FBN2: variants seen among roughly 807,000 people sequenced by gnomAD.
The protein encoded by FBN2 is fibrillin-2.
A neutral mutation model predicts 355.6 loss-of-function variants in FBN2; 105 were observed. The observed-to-expected ratio is 0.30, with a 90% CI of 0.25 to 0.35. FBN2 has a LOEUF of 0.35. FBN2 is among the 10% of genes least tolerant of loss of function. The pLI, the probability that FBN2 is intolerant of heterozygous loss-of-function variation, is 1.00. For synonymous variants in FBN2, 1,350 were observed against 1,301.2 expected (o/e 1.04, Z -0.81); for missense variants, 3,280 against 3,758.7 (o/e 0.87, Z 3.33).
At chr5:128,489,266 T>C (rs1755437238) in intron 5 of FBN2, among the ~76,000 whole-genome samples, 1 of 152,216 alleles carries the variant, frequency 6.6e-6, no homozygotes, top group Non-Finnish European at 1.5e-5. Flanking sequence ...TCATGCTAGA[T>C]CGAAGTCAAT....
At chr5:128,514,158 T>A (rs1364748142) in intron 5 of FBN2, among the ~76,000 whole-genome samples, 1 of 152,166 alleles carries the variant, frequency 6.6e-6, no homozygotes, top group Non-Finnish European at 1.5e-5. Flanking sequence ...AGACATTTTA[T>A]TTCTGCAAAA....
At chr5:128,363,739 T>C (rs1255090597) in intron 18 of FBN2, among the ~76,000 whole-genome samples, 2 of 152,172 alleles carry the variant, frequency 1.3e-5, no homozygotes, top group Non-Finnish European at 1.5e-5. Flanking sequence ...GGTTTGCATG[T>C]TGTTAGAAAT....
rs142702600 is a variant in FBN2, at chr5:128,261,773, C to T, written c.8327G>A (p.Arg2776Lys). Residue 2776 changes from arginine to lysine, a missense_variant, in exon 64 of 65, where the codon AGG becomes AAG. By Grantham distance (26) the Arg-to-Lys change is conservative. Transcript: ENST00000262464. ...KINGYSKKDSRQKRSIHEPDP... is the reference protein window; with the variant it reads ...KINGYSKKDSKQKRSIHEPDP... ...AGGTTCATGAATACTTCTCTTCTGC[C>T]TGCTGTCTTTCTTAGAATAGCCGTT... is the stretch of plus-strand genomic sequence containing the variant. 15 of 1,614,222 alleles carry T rather than the reference C, an allele frequency of 9.3e-6. No homozygotes were observed. The African/African-American group carries it at 1.6e-4, about 17-fold the overall frequency.
At chr5:128,422,876 C>T (rs536377480) in intron 7 of FBN2, among the ~76,000 whole-genome samples, 1 of 152,172 alleles carries the variant, frequency 6.6e-6, no homozygotes, top group South Asian at 2.1e-4. Context: ...AAACACATAG[C>T]ACTGACAGAT....
chr5:128,310,387 TATATATATATATA>T (rs1334225399), intron 39 of FBN2, among the ~76,000 whole-genome samples: 47 of 12,550 alleles, frequency 3.7e-3, no homozygotes, highest in African/African-American at 0.014. Flanking sequence ...TATATATATA[TATATATATATATA>T]TATTTTTTTT....
chr5:128,434,422 A>ATATATATATATATATATG (rs1561455185), intron 7 of FBN2, among the ~76,000 whole-genome samples: 9 of 132,702 alleles, frequency 6.8e-5, no homozygotes, highest in African/African-American at 3.0e-4. Context: ...ATATATATAT[A>ATATATATATATATATATG]TATGGGCAGT....
intron 25 of FBN2, among the ~76,000 whole-genome samples, chr5:128,343,543 A>T (rs1415929724): frequency 3.3e-5 from 5 of 152,188 alleles, no homozygotes; most frequent in Non-Finnish European, 7.4e-5. Context: ...GAACAAAGAG[A>T]GTGCTGAGAA....
intron 56 of FBN2, 97 bp from the exon 57 acceptor site, chr5:128,278,938 G>A (rs376857941): frequency 9.2e-6 from 9 of 979,778 alleles, no homozygotes; most frequent in East Asian, 7.8e-5. Context: ...TTCCTCCTTA[G>A]GAATAATTAA....
intron 7 of FBN2, among the ~76,000 whole-genome samples, chr5:128,409,730 A>G (rs1259723988): frequency 1.3e-5 from 2 of 152,208 alleles, no homozygotes; most frequent in Non-Finnish European, 2.9e-5. Context: ...AGAAACAACA[A>G]TAAAAGCCAT....
chr5:128,446,877 G>A (rs1468486701), intron 6 of FBN2, among the ~76,000 whole-genome samples: 4 of 152,138 alleles, frequency 2.6e-5, no homozygotes, highest in Admixed American at 2.0e-4. Flanking sequence ...GACCCCGAAC[G>A]GAGGGACCGG....
At chr5:128,327,100 T>G (rs555232066) in intron 34 of FBN2, among the ~76,000 whole-genome samples, 1 of 152,352 alleles carries the variant, frequency 6.6e-6, no homozygotes, top group Non-Finnish European at 1.5e-5. Flanking sequence ...CTACTAATTC[T>G]ACTACTAAGC....
Position 128,351,051 on chromosome 5 carries a change from A to C in FBN2, c.2675-46T>G. 4 of 1,610,264 alleles carry C rather than the reference A, an allele frequency of 2.5e-6. No individual in the cohort carries two copies. The South Asian group carries it at 4.4e-5, about 18-fold the overall frequency. On this transcript the variant is annotated intron_variant, in intron 20 of 64. Coordinates refer to ENST00000262464, the MANE Select transcript of FBN2 (RefSeq NM_001999.4). Reference sequence around the variant, plus strand: ...TTGGGGAGCTCTTACCTCTGAAGAAAATAGAATTCAGCTGTGTACACAAAA... The same window carrying C: ...TTGGGGAGCTCTTACCTCTGAAGAACATAGAATTCAGCTGTGTACACAAAA...
chr5:128,464,155 T>G (rs190450794), intron 6 of FBN2, among the ~76,000 whole-genome samples: 1 of 152,314 alleles, frequency 6.6e-6, no homozygotes. Flanking sequence ...GATCTGGCCC[T>G]AATATAGAAA....
chr5:128,281,702 T>G (rs938729700), intron 55 of FBN2, among the ~76,000 whole-genome samples: 5 of 152,158 alleles, frequency 3.3e-5, no homozygotes, highest in African/African-American at 1.2e-4. Flanking sequence ...ATTTATTTAT[T>G]TGAGACAGAG....
In FBN2 at chr5:128,369,241, C is replaced by G; in HGVS notation, c.2189G>C (p.Cys730Ser). 6.2e-7 allele frequency: 1 copy of G among 1,614,140 alleles called. No homozygotes were observed. The highest frequency in any genetic ancestry group is 8.5e-7 in the Non-Finnish European group (1 of 1,180,036). Residue 730 changes from cysteine to serine, a missense_variant, in exon 16 of 65, where the codon TGT becomes TCT. Coordinates refer to ENST00000262464, the MANE Select transcript of FBN2 (RefSeq NM_001999.4). ...TCCAAAACCATAGTCTGGATTGGCA[C>G]AGCAGCATTCGGACTTGGTCACTGC... is the stretch of plus-strand genomic sequence containing the variant. ...PGAVTKSECC[C>S]ANPDYGFGEP...
chr5:128,286,827 C>A lies in FBN2; in HGVS notation c.6903G>T (p.Gly2301=), dbSNP rs886039130. The change falls in exon 55 of 65, where the codon GGG becomes GGT. Residue 2301 remains glycine (G), a synonymous_variant. Transcript: ENST00000262464. ...TGCCCCTAGATTCACAGTCGTGTAA[C>A]CCTTCAGCACATTCATCCAGATCTA... The part of the protein sequence containing the change: ...MCKDLDECAE[G]LHDCESRGMM... The A allele has an allele frequency of 1.6e-5, 26 of 1,614,044 alleles. No individual in the cohort carries two copies. Among genetic ancestry groups the A allele is most frequent in the Middle Eastern group, 3.3e-4 (2 of 6,062 alleles).
intron 33 of FBN2, among the ~76,000 whole-genome samples, chr5:128,330,349 T>C (rs925499077): frequency 1.3e-5 from 2 of 152,144 alleles, no homozygotes; most frequent in Non-Finnish European, 2.9e-5. Context: ...CAGTACATGA[T>C]TGTTACAAAT....
chr5:128,445,369 C>T (rs192608247), intron 7 of FBN2, among the ~76,000 whole-genome samples: 39 of 152,128 alleles, frequency 2.6e-4, no homozygotes, highest in Middle Eastern at 3.4e-3. Context: ...CAGGATAATA[C>T]ATGTCTCAAG....
intron 5 of FBN2, among the ~76,000 whole-genome samples, chr5:128,516,718 A>T (rs73787612): frequency 0.031 from 4,695 of 152,222 alleles, 252 homozygotes; most frequent in African/African-American, 0.11. Flanking sequence ...GTAATTTAAA[A>T]ATATATATAT....
Sources: allele counts gnomAD v4.1 joint callset (sites outside exome capture counted in the v4.1 genomes callset), GRCh38; gene constraint gnomAD v4.1.1; transcripts MANE v1.5; gene names NCBI Gene and HGNC (gene_info 2026-07-23, HGNC 2026-07-21).